Variants in RANBP2 observed in about 807,000 individuals in gnomAD.
The protein encoded by RANBP2 is E3 SUMO-protein ligase RanBP2.
A neutral mutation model predicts 303.6 loss-of-function variants in RANBP2; 57 were observed. The ratio of observed to expected loss-of-function variants is 0.19; its 90% CI spans 0.15 to 0.23. The LOEUF (loss-of-function observed/expected upper bound fraction) is 0.23. RANBP2 is among the 10% of genes least tolerant of loss of function. The probability of loss-of-function intolerance (pLI) is 1.00; values close to 1 mark genes in which losing one functional copy is unlikely to be tolerated. For synonymous variants in RANBP2, 1,167 were observed against 1,301.5 expected, an observed-to-expected ratio of 0.90 and a Z score of 2.23; for missense variants, 3,138 against 3,780.8, an observed-to-expected ratio of 0.83 and a Z score of 4.46.
the RANBP2 span, chr2:109,614,490 A>G: frequency 8.1e-7 from 1 of 1,238,302 alleles, no homozygotes; most frequent in South Asian, 3.5e-5. Context: ...GCGGTCGAGG[A>G]TGGAGGGGCC....
At chr2:109,429,679 C>T in the RANBP2 span, among the ~76,000 whole-genome samples, 127 of 152,320 alleles carry the variant, frequency 8.3e-4, no homozygotes, top group Admixed American at 1.4e-3. Flanking sequence ...TCCAGCAGCC[C>T]AGCCCTGGCC....
the RANBP2 span, among the ~76,000 whole-genome samples, chr2:109,528,597 G>A: frequency 1.3e-5 from 2 of 152,174 alleles, no homozygotes; most frequent in Admixed American, 6.5e-5. Flanking sequence ...GAAGGAATCA[G>A]GCCCAGGAGA....
At chr2:109,747,696 G>A in the RANBP2 span, among the ~76,000 whole-genome samples, 7 of 148,608 alleles carry the variant, frequency 4.7e-5, no homozygotes, top group South Asian at 2.2e-4. Flanking sequence ...CCAAGATTGC[G>A]CCATTGCACT....
the RANBP2 span, among the ~76,000 whole-genome samples, chr2:108,843,927 G>T: frequency 1.9e-5 from 2 of 104,476 alleles, no homozygotes; most frequent in Admixed American, 1.5e-4. Context: ...GTCTTGCTCT[G>T]TTGCCCAGGC....
the RANBP2 span, among the ~76,000 whole-genome samples, chr2:109,725,750 T>C: frequency 5.9e-5 from 9 of 152,270 alleles, no homozygotes; most frequent in South Asian, 1.9e-3. Flanking sequence ...TTTTCTTTTT[T>C]GAGACGGAGT....
At chr2:108,823,255 A>G in the RANBP2 span, among the ~76,000 whole-genome samples, 1 of 152,218 alleles carries the variant, frequency 6.6e-6, no homozygotes, top group Admixed American at 6.5e-5. Context: ...CTTCGAAAAA[A>G]TTGAAAGGGA....
the RANBP2 span, among the ~76,000 whole-genome samples, chr2:109,200,078 C>T: frequency 2.0e-4 from 30 of 152,100 alleles, no homozygotes; most frequent in African/African-American, 6.5e-4. Flanking sequence ...GGTAAGAAAC[C>T]AGCATTTTCC....
At chr2:109,681,817 G>A in the RANBP2 span, among the ~76,000 whole-genome samples, 5 of 152,266 alleles carry the variant, frequency 3.3e-5, no homozygotes, top group African/African-American at 1.2e-4. Context: ...GCTTCATGGA[G>A]CACTTACCAT....
the RANBP2 span, among the ~76,000 whole-genome samples, chr2:109,680,227 C>T: frequency 4.7e-5 from 7 of 150,524 alleles, no homozygotes; most frequent in Non-Finnish European, 8.9e-5. Context: ...GTGGCGGGCA[C>T]CTGTAGTCCC....
Position 108,754,983 on chromosome 2 carries a change from C to A in RANBP2, c.2281C>A (p.Pro761Thr), listed in dbSNP as rs1676185951. The A allele has an allele frequency of 6.2e-7, 1 of 1,611,492 alleles. No individual in the cohort carries two copies. The highest frequency in any genetic ancestry group is 1.3e-5 in the African/African-American group (1 of 74,726). The change falls in exon 16 of 29, where the codon CCT becomes ACT. Residue 761 changes from proline (P) to threonine (T), a missense_variant. Pro to Thr is a conservative substitution (Grantham distance 38). This residue lies in a region of RANBP2 where 194 missense variants were observed against 197.4 expected (regional missense o/e 0.98). Coordinates refer to ENST00000283195, the MANE Select transcript of RANBP2 (RefSeq NM_006267.5). ...ACTCGAAGACTATAGTGAAGGAGGT[C>A]CTCTCTATAAAAATGGTTCTTTGCG... is the stretch of plus-strand genomic sequence containing the variant. ...QELEDYSEGGPLYKNGSLRNA... is the reference protein window; with the variant it reads ...QELEDYSEGGTLYKNGSLRNA...
At chr2:108,896,646 G>T in the RANBP2 span, 3 of 489,106 alleles carry the variant, frequency 6.1e-6, no homozygotes, top group Admixed American at 1.0e-4. Context: ...GGGCTGGTGG[G>T]CTGGCTGTAT....
chr2:109,244,370 C>T, the RANBP2 span, among the ~76,000 whole-genome samples: 1 of 152,092 alleles, frequency 6.6e-6, no homozygotes, highest in Non-Finnish European at 1.5e-5. Context: ...AATATATAAA[C>T]CTCAGGTGGT....
the RANBP2 span, among the ~76,000 whole-genome samples, chr2:109,610,192 G>A: frequency 0.064 from 9,747 of 151,814 alleles, 746 homozygotes; most frequent in East Asian, 0.24. Flanking sequence ...AGGTTCAAGT[G>A]ATCCTCCTGC....
At chr2:109,599,887 C>G in the RANBP2 span, among the ~76,000 whole-genome samples, 1 of 152,178 alleles carries the variant, frequency 6.6e-6, no homozygotes, top group Non-Finnish European at 1.5e-5. Flanking sequence ...TTCAGTAACA[C>G]TGCAATGAAT....
chr2:109,565,483 GT>G, the RANBP2 span, among the ~76,000 whole-genome samples: 8 of 152,152 alleles, frequency 5.3e-5, no homozygotes, highest in Admixed American at 5.2e-4. Context: ...GATGTTTTAT[GT>G]CTGAACACTA....
At chr2:109,390,650 G>A in the RANBP2 span, among the ~76,000 whole-genome samples, 33 of 152,258 alleles carry the variant, frequency 2.2e-4, no homozygotes, top group African/African-American at 6.7e-4. Context: ...GGGTGCGGTC[G>A]GCATTTCTGG....
the RANBP2 span, among the ~76,000 whole-genome samples, chr2:109,237,026 A>C: frequency 6.6e-6 from 1 of 152,216 alleles, no homozygotes; most frequent in Non-Finnish European, 1.5e-5. Flanking sequence ...AAGGTAGAGA[A>C]GCCAACACAA....
the RANBP2 span, among the ~76,000 whole-genome samples, chr2:109,659,367 T>C: frequency 0.21 from 31,781 of 151,266 alleles, 3,424 homozygotes; most frequent in African/African-American, 0.23. Context: ...AGAGATTTCA[T>C]CCCCCCCAAA....
At chr2:109,410,036 TC>T in the RANBP2 span, among the ~76,000 whole-genome samples, 1 of 152,196 alleles carries the variant, frequency 6.6e-6, no homozygotes, top group Non-Finnish European at 1.5e-5. Flanking sequence ...GCCCAGACCC[TC>T]TTTTTTCCCT....
Sources: gnomAD v4.1 joint callset for allele counts (sites outside exome capture counted in the v4.1 genomes callset) on GRCh38, gnomAD v4.1.1 for gene constraint, gnomAD v4.1.1 regional missense constraint, MANE v1.5 for transcripts, NCBI Gene and HGNC (gene_info 2026-07-23, HGNC 2026-07-21) for gene names.